The following SNX19 variants were observed in gnomAD, a reference collection of about 807,000 sequenced individuals.
The protein encoded by SNX19 is sorting nexin-19.
Under a neutral mutation model 85.2 loss-of-function variants are expected in SNX19, and 60 were observed. The ratio of observed to expected loss-of-function variants is 0.70; its 90% confidence interval spans 0.57 to 0.87. The LOEUF (loss-of-function observed/expected upper bound fraction) is 0.87. Among genes scored for constraint, SNX19 ranks in the 40% least tolerant of loss-of-function variants. The pLI, the probability that SNX19 is intolerant of heterozygous loss-of-function variation, is 0.00. For synonymous variants in SNX19, 520 were observed against 470.0 expected, an observed-to-expected ratio of 1.11 and a Z score of -1.38; for missense variants, 1,201 against 1,217.8, an observed-to-expected ratio of 0.99 and a Z score of 0.21.
intron 8 of SNX19, chr11:130,893,847 A>G (rs986015877): frequency 2.8e-6 from 2 of 702,090 alleles, no homozygotes; most frequent in Admixed American, 2.0e-5. Flanking sequence ...GCATTATATT[A>G]GAGCTAAAGT....
At chr11:130,897,850 G>A (rs1363145350) in intron 8 of SNX19, among the ~76,000 whole-genome samples, 1 of 152,134 alleles carries the variant, frequency 6.6e-6, no homozygotes, top group Non-Finnish European at 1.5e-5. Context: ...TTGCTCCTTG[G>A]CTCAGAGTGC....
rs145150872 is a variant in SNX19 at position 130,872,906 on chromosome 11, C to T, written c.*5516G>A. Among the ~76,000 whole-genome samples the T allele has an allele frequency of 2.4e-3, 362 of 152,252 alleles. No homozygotes were observed. Among genetic ancestry groups the T allele is most frequent in the African/African-American group, 8.3e-3 (345 of 41,560 alleles). ...TGCAAAGTTAGATTGGACAAACAGCCGGTGTGGAGGGGGCTGTGGGAGGTA... is the reference window on the plus strand; with the variant it reads ...TGCAAAGTTAGATTGGACAAACAGCTGGTGTGGAGGGGGCTGTGGGAGGTA... On this transcript the variant is annotated 3_prime_UTR_variant, in exon 11 of 11. Transcript: ENST00000265909.
At position 130,873,369 on chromosome 11, in the gene SNX19, A is replaced by G. The variant is rs1295554168; in HGVS notation, c.*5053T>C. On this transcript the variant is annotated 3_prime_UTR_variant, in exon 11 of 11. Transcript: ENST00000265909. The stretch of plus-strand genomic sequence containing the variant: ...ATTTAGTCTCCAGACCTTTACAGAG[A>G]AAGTTTGCTGGCTCCTATACTAGAC... 6.6e-6 allele frequency among the ~76,000 whole-genome samples: 1 copy of G among 152,178 alleles called. No individual in the cohort carries two copies. The highest frequency in any genetic ancestry group is 1.9e-4 in the East Asian group (1 of 5,178).
intron 1 of SNX19, among the ~76,000 whole-genome samples, chr11:130,913,319 TCA>T (rs1447967362): frequency 2.6e-5 from 4 of 152,232 alleles, no homozygotes; most frequent in African/African-American, 7.2e-5. Flanking sequence ...GAGGCTAGTC[TCA>T]GTTATTTTAT....
In SNX19 at chr11:130,872,227, G is replaced by A. The variant is rs977783089; in HGVS notation, c.*6195C>T. Reference sequence around the variant, plus strand: ...CCTCCAAGAAAGCAGAGTTAAAATGGACTTTCAGACCAGAGACAGGTGAGG... The same window carrying A: ...CCTCCAAGAAAGCAGAGTTAAAATGAACTTTCAGACCAGAGACAGGTGAGG... On this transcript the variant is annotated 3_prime_UTR_variant, in exon 11 of 11. Coordinates refer to ENST00000265909, the MANE Select transcript of SNX19 (RefSeq NM_014758.3). 1.3e-5 allele frequency among the ~76,000 whole-genome samples: 2 copies of A among 152,116 alleles called. No individual in the cohort carries two copies. The highest frequency in any genetic ancestry group is 4.8e-5 in the African/African-American group (2 of 41,438).
At position 130,908,012 on chromosome 11, in the gene SNX19, C is replaced by T. The variant is rs543634536; in HGVS notation, c.2106G>A (p.Glu702=). ...TTTCGGTCTCGGCCTCACTCAGCTCCTCTGTGGGGCTCTGGGGTTCAGAGC... is the reference window on the plus strand; with the variant it reads ...TTTCGGTCTCGGCCTCACTCAGCTCTTCTGTGGGGCTCTGGGGTTCAGAGC... ...FPRSEPQSPT[E]ELSEAETESK... is the part of the protein sequence containing the mutation. Residue 702 remains glutamate (E), a synonymous_variant, in exon 5 of 11, where the codon GAG becomes GAA. Transcript: ENST00000265909. 2.5e-6 allele frequency: 4 copies of T among 1,614,180 alleles called. No individual in the cohort carries two copies. Among genetic ancestry groups the T allele is most frequent in the East Asian group, 4.5e-5 (2 of 44,864 alleles).
rs991976402 is a variant in SNX19, at chr11:130,875,004, A to C, written c.*3418T>G. On this transcript the variant is annotated 3_prime_UTR_variant, in exon 11 of 11. Transcript: ENST00000265909. Reference sequence around the variant, plus strand: ...GAACAATATATGATCCAGCAATCCTACTTCTGGGTATTTATCTAAAATAAT... The same window carrying C: ...GAACAATATATGATCCAGCAATCCTCCTTCTGGGTATTTATCTAAAATAAT... 3.3e-5 allele frequency among the ~76,000 whole-genome samples: 5 copies of C among 152,224 alleles called. No homozygotes were observed. Among genetic ancestry groups the C allele is most frequent in the Non-Finnish European group, 7.3e-5 (5 of 68,040 alleles).
At chr11:130,902,217 A>G (rs1036893146) in intron 8 of SNX19, among the ~76,000 whole-genome samples, 1 of 152,236 alleles carries the variant, frequency 6.6e-6, no homozygotes, top group Admixed American at 6.5e-5. Context: ...CTTGACCACT[A>G]TAAAAAAGTA....
intron 8 of SNX19, chr11:130,881,032 T>C (rs1288955517): frequency 5.6e-6 from 2 of 359,764 alleles, no homozygotes; most frequent in African/African-American, 2.1e-5. Context: ...CCTTTTGCCA[T>C]ATGAGGACAC....
In SNX19 at chr11:130,878,467, G is replaced by A. The variant is rs756086136; in HGVS notation, c.2934C>T (p.Ala978=). 1.9e-6 allele frequency: 3 copies of A among 1,613,854 alleles called. No individual in the cohort carries two copies. The highest frequency in any genetic ancestry group is 2.7e-5 in the African/African-American group (2 of 74,890). Residue 978 remains alanine (A), a synonymous_variant, in exon 11 of 11, where the codon GCC becomes GCT. Coordinates refer to ENST00000265909, the MANE Select transcript of SNX19 (RefSeq NM_014758.3). ...TCTTAGAGTTGCCTGGGGTATCTGAGGCAGAGGTGGTAGCAGCAGACTCCT... is the reference window on the plus strand; with the variant it reads ...TCTTAGAGTTGCCTGGGGTATCTGAAGCAGAGGTGGTAGCAGCAGACTCCT... ...SVEESAATTS[A]SDTPGNSKRM... is the part of the protein sequence containing the mutation.
intron 8 of SNX19, among the ~76,000 whole-genome samples, chr11:130,885,872 A>C (rs1326709151): frequency 6.6e-6 from 1 of 152,196 alleles, no homozygotes; most frequent in Non-Finnish European, 1.5e-5. Context: ...AGAAGTATTG[A>C]CTTATTTTAT....
At chr11:130,908,338 C>T in intron 4 of SNX19, 1 of 294,348 alleles carries the variant, frequency 3.4e-6, no homozygotes, top group Non-Finnish European at 6.3e-6. Flanking sequence ...GAAGCCAAAA[C>T]CAATAGTGAG....
rs1355463870 is a variant in SNX19 at position 130,869,322 on chromosome 11, GCAGTT to G, written c.*9095_*9099del. 2.6e-5 allele frequency: 4 copies of G among 152,220 alleles called. No individual in the cohort carries two copies. The highest frequency in any genetic ancestry group is 5.9e-5 in the Non-Finnish European group (4 of 68,052). 9.4% of individuals were successfully genotyped at this position (152,220 alleles called of 1,614,324 possible). A position where few individuals can be genotyped will look rare whatever the true frequency, so the allele number is the denominator to read the frequency against. On this transcript the variant is annotated 3_prime_UTR_variant, in exon 11 of 11. Coordinates refer to ENST00000265909, the MANE Select transcript of SNX19 (RefSeq NM_014758.3). ...CTTCTTCATTACATTGCCTATCAGT[GCAGTT>G]AAGTAAAAAGGCACATGGAACTATA...
intron 8 of SNX19, chr11:130,892,603 T>G (rs12280661): frequency 6.6e-6 from 1 of 152,204 alleles, no homozygotes; most frequent in African/African-American, 2.4e-5. Context: ...TTACTCTTCC[T>G]GGCAGGCTCA....
chr11:130,896,234 C>G (rs1944869357), intron 8 of SNX19, among the ~76,000 whole-genome samples: 1 of 152,138 alleles, frequency 6.6e-6, no homozygotes, highest in Non-Finnish European at 1.5e-5. Flanking sequence ...GGCATCAGAG[C>G]TGAACTGGAA....
At chr11:130,906,818 T>A (rs1034278217) in intron 5 of SNX19, 97 bp from the exon 6 acceptor site, 16 of 852,526 alleles carry the variant, frequency 1.9e-5, no homozygotes, top group Non-Finnish European at 2.9e-5. Context: ...ACAACAAGAA[T>A]ATCCATACTT....
chr11:130,915,372 C>T lies in SNX19; in HGVS notation c.568G>A (p.Glu190Lys). 1 of 1,614,110 alleles carries T rather than the reference C, an allele frequency of 6.2e-7. No individual in the cohort carries two copies. The stretch of plus-strand genomic sequence containing the variant: ...GGGGCAGTCGCCCGGCAGTAAGCCT[C>T]CCAGAGGTGGGAAGGCTCAACTGGA... ...NGPVEPSHLW[E>K]AYCRATAPHP... Residue 190 changes from glutamate (E) to lysine (K), a missense_variant, in exon 1 of 11, where the codon GAG becomes AAG. Glu to Lys is a moderately conservative substitution (Grantham distance 56). This residue lies in a region of SNX19 where 791 missense variants were observed against 750.9 expected (regional missense o/e 1.05). Coordinates refer to ENST00000265909, the MANE Select transcript of SNX19 (RefSeq NM_014758.3).
chr11:130,884,034 G>A (rs1409152658), intron 8 of SNX19, among the ~76,000 whole-genome samples: 1 of 152,158 alleles, frequency 6.6e-6, no homozygotes, highest in African/African-American at 2.4e-5. Context: ...CCCAACACCT[G>A]GATGGAACCA....
At chr11:130,904,798 G>A (rs61272759) in intron 7 of SNX19, among the ~76,000 whole-genome samples, 6,187 of 151,768 alleles carry the variant, frequency 0.041, 430 homozygotes, top group African/African-American at 0.14. Flanking sequence ...TGTTCAACAT[G>A]TACAGGCTGG....
Sources: allele counts gnomAD v4.1 joint callset (sites outside exome capture counted in the v4.1 genomes callset), GRCh38; gene constraint gnomAD v4.1.1; regional missense constraint gnomAD v4.1.1; transcripts MANE v1.5; gene names NCBI Gene and HGNC (gene_info 2026-07-23, HGNC 2026-07-21).